The following ITCH variants were observed in gnomAD, a reference collection of about 807,000 sequenced individuals.
The protein encoded by ITCH is itchy E3 ubiquitin protein ligase.
A neutral mutation model predicts 126.8 loss-of-function variants in ITCH; 28 were observed. That is an observed-to-expected ratio of 0.22 (90% confidence interval 0.16 to 0.30). ITCH has a LOEUF of 0.30. Ranked by LOEUF, ITCH falls within the 10% of genes least tolerant of loss-of-function variation. ITCH has a pLI of 1.00. For missense variants in ITCH, 631 were observed against 1,032.4 expected (o/e 0.61, Z 5.33); for synonymous variants, 342 against 340.0 (o/e 1.01, Z -0.06).
chr20:34,439,860 A>G (rs1328370249), intron 8 of ITCH, among the ~76,000 whole-genome samples: 1 of 152,212 alleles, frequency 6.6e-6, no homozygotes, highest in Non-Finnish European at 1.5e-5. Context: ...AATATTAATA[A>G]TTTCCTATTC....
intron 7 of ITCH, among the ~76,000 whole-genome samples, chr20:34,433,274 G>C (rs553548211): frequency 8.1e-4 from 124 of 152,376 alleles, no homozygotes; most frequent in African/African-American, 2.7e-3. Flanking sequence ...TGGGGGACAA[G>C]AGCGAGACTT....
At chr20:34,479,492 GA>G (rs2146464989) in intron 17 of ITCH, 137 bp from the exon 18 acceptor site, 1 of 694,638 alleles carries the variant, frequency 1.4e-6, no homozygotes, top group East Asian at 2.7e-5. Context: ...AGTTTGAACA[GA>G]AGCAATAAAA....
intron 12 of ITCH, among the ~76,000 whole-genome samples, chr20:34,452,005 G>A (rs1364853736): frequency 6.6e-6 from 1 of 150,950 alleles, no homozygotes; most frequent in Non-Finnish European, 1.5e-5. Context: ...GGAAGTCAAG[G>A]CTGCAAGTAG....
chr20:34,417,642 C>T (rs566365057), intron 6 of ITCH, among the ~76,000 whole-genome samples: 44 of 151,112 alleles, frequency 2.9e-4, no homozygotes, highest in Non-Finnish European at 4.9e-4. Flanking sequence ...TCAGTTGATC[C>T]GCCTGCCTAG....
chr20:34,491,980 C>T (rs865943045), intron 22 of ITCH, among the ~76,000 whole-genome samples: 7 of 151,710 alleles, frequency 4.6e-5, no homozygotes, highest in South Asian at 2.1e-4. Context: ...TCCTATAGGA[C>T]GGGCAAATCT....
chr20:34,490,418 C>T (rs1269442573), intron 22 of ITCH, among the ~76,000 whole-genome samples: 1 of 152,130 alleles, frequency 6.6e-6, no homozygotes, highest in Non-Finnish European at 1.5e-5. Context: ...CACCTGTAAT[C>T]CCAGCACTTT....
In ITCH at chr20:34,413,837, G is replaced by A; in HGVS notation, c.433G>A (p.Glu145Lys). The A allele has an allele frequency of 6.2e-7, 1 of 1,613,874 alleles. No homozygotes were observed. The highest frequency in any genetic ancestry group is 8.5e-7 in the Non-Finnish European group (1 of 1,179,790). The change falls in exon 6 of 25, where the codon GAG becomes AAG. Residue 145 changes from glutamate (E) to lysine (K), a missense_variant. Coordinates refer to ENST00000374864, the MANE Select transcript of ITCH (RefSeq NM_031483.7). ...LSICLDGLQL[E>K]SEVVTNGETT... ...AATTTGTCTTGATGGGCTACAGTTA[G>A]AGTCTGAAGTTGTTACCAATGGTGA...
At chr20:34,482,796 C>T (rs1251359801) in intron 20 of ITCH, among the ~76,000 whole-genome samples, 2 of 152,202 alleles carry the variant, frequency 1.3e-5, no homozygotes, top group South Asian at 2.1e-4. Flanking sequence ...GTATGGGCCT[C>T]CAACTTCACA....
intron 20 of ITCH, among the ~76,000 whole-genome samples, chr20:34,483,608 T>C (rs1198179573): frequency 6.6e-6 from 1 of 152,228 alleles, no homozygotes; most frequent in Non-Finnish European, 1.5e-5. Flanking sequence ...CTGGACTTTA[T>C]TGTCCATATT....
chr20:34,495,155 C>T (rs1386867084), intron 23 of ITCH, among the ~76,000 whole-genome samples: 1 of 147,650 alleles, frequency 6.8e-6, no homozygotes, highest in African/African-American at 2.5e-5. Context: ...ATCCCAGCTA[C>T]TTGGGAGGCT....
chr20:34,467,603 CTTATAAG>C (rs927990582), intron 14 of ITCH, among the ~76,000 whole-genome samples: 26 of 149,786 alleles, frequency 1.7e-4, no homozygotes, highest in Non-Finnish European at 1.2e-4. Context: ...GTTCATCAAA[CTTATAAG>C]TTATAAATTA....
intron 7 of ITCH, among the ~76,000 whole-genome samples, chr20:34,437,162 GGAGA>G (rs954273996): frequency 6.6e-6 from 1 of 151,934 alleles, no homozygotes; most frequent in South Asian, 2.1e-4. Context: ...AACTATGTGA[GGAGA>G]GAGAGATGTT....
At chr20:34,398,024 C>T (rs1382848781) in intron 3 of ITCH, among the ~76,000 whole-genome samples, 1 of 147,942 alleles carries the variant, frequency 6.8e-6, no homozygotes, top group Non-Finnish European at 1.5e-5. Context: ...TGATGATAAA[C>T]ACTAATTGCA....
rs538435675 is a variant in ITCH, at chr20:34,431,094, C to T, written c.521+6569C>T. ...ACCAAAACCTAAGAAGGAAGGAAGA[C>T]CATAGGAAGAGAATGTTTAGAGGGA... On this transcript the variant is annotated intron_variant, in intron 7 of 24. Transcript: ENST00000374864. 2.0e-4 allele frequency among the ~76,000 whole-genome samples: 31 copies of T among 152,032 alleles called. No individual in the cohort carries two copies. The East Asian group carries it at 6.0e-3, about 29-fold the overall frequency.
intron 23 of ITCH, 128 bp from the exon 24 acceptor site, chr20:34,504,203 T>C: frequency 1.4e-6 from 1 of 738,944 alleles, no homozygotes; most frequent in Admixed American, 2.0e-5. Context: ...ATTAGTAAGA[T>C]GATGTGTGGG....
chr20:34,397,106 C>T (rs2038705379), intron 3 of ITCH, among the ~76,000 whole-genome samples: 1 of 152,102 alleles, frequency 6.6e-6, no homozygotes, highest in African/African-American at 2.4e-5. Context: ...TCACTGCAAC[C>T]TCCGCCTCCC....
At chr20:34,387,160 G>A (rs779663043) in intron 2 of ITCH, among the ~76,000 whole-genome samples, 1 of 151,804 alleles carries the variant, frequency 6.6e-6, no homozygotes, top group Non-Finnish European at 1.5e-5. Context: ...AAAAAAATTA[G>A]CCAGATGTCA....
chr20:34,411,287 G>A (rs1323861978), intron 4 of ITCH, among the ~76,000 whole-genome samples: 2 of 152,048 alleles, frequency 1.3e-5, no homozygotes, highest in Non-Finnish European at 2.9e-5. Context: ...GAGTAGCTGG[G>A]ATTACAGGCA....
At chr20:34,439,079 A>G (rs1983405291) in intron 8 of ITCH, among the ~76,000 whole-genome samples, 1 of 152,236 alleles carries the variant, frequency 6.6e-6, no homozygotes, top group South Asian at 2.1e-4. Context: ...TTTAGGTAGT[A>G]AAAATGTGAA....
Sources: allele counts gnomAD v4.1 joint callset (sites outside exome capture counted in the v4.1 genomes callset), GRCh38; gene constraint gnomAD v4.1.1; transcripts MANE v1.5; gene names NCBI Gene and HGNC (gene_info 2026-07-23, HGNC 2026-07-21).